REC114: variants seen among roughly 807,000 people sequenced by gnomAD.
REC114 encodes the protein REC114 meiotic recombination protein, also known as meiotic recombination protein REC114.
REC114 carries 27 observed loss-of-function variants against 31.3 expected under a neutral mutation model. The observed-to-expected ratio is 0.86, with a 90% CI of 0.64 to 1.19. The LOEUF is 1.19. Among genes scored for constraint, REC114 ranks in the 50% most tolerant of loss-of-function variants. The probability of loss-of-function intolerance (pLI) is 0.00; values close to 1 mark genes in which losing one functional copy is unlikely to be tolerated. For synonymous variants in REC114, 134 were observed against 127.7 expected (o/e 1.05, Z -0.33); for missense variants, 344 against 326.9 (o/e 1.05, Z -0.40).
chr15:73,513,833 C>T (rs1404073255), intron 2 of REC114, among the ~76,000 whole-genome samples: 26 of 151,388 alleles, frequency 1.7e-4, no homozygotes, highest in Admixed American at 1.6e-3. Flanking sequence ...CTGGGAGAAC[C>T]ACTGCTCTCT....
At chr15:73,450,083 A>G (rs1254346530) in intron 1 of REC114, among the ~76,000 whole-genome samples, 3 of 152,094 alleles carry the variant, frequency 2.0e-5, no homozygotes, top group African/African-American at 7.3e-5. Context: ...TGCATCAACT[A>G]ACTGGCAAAA....
At chr15:73,536,475 C>T (rs892069977) in intron 2 of REC114, among the ~76,000 whole-genome samples, 3 of 152,152 alleles carry the variant, frequency 2.0e-5, no homozygotes, top group Non-Finnish European at 4.4e-5. Context: ...GTGATGTTAA[C>T]CGCATGTTTA....
intron 1 of REC114, among the ~76,000 whole-genome samples, chr15:73,459,137 A>G (rs372228921): frequency 6.6e-6 from 1 of 152,200 alleles, no homozygotes; most frequent in East Asian, 1.9e-4. Context: ...CTGATCTCAC[A>G]TACCATTTAA....
At chr15:73,542,985 G>T (rs905456583) in intron 3 of REC114, among the ~76,000 whole-genome samples, 4 of 149,530 alleles carry the variant, frequency 2.7e-5, no homozygotes, top group African/African-American at 7.4e-5. Context: ...CCTCCCGATA[G>T]GTTGTCCCTG....
intron 2 of REC114, among the ~76,000 whole-genome samples, chr15:73,530,747 A>ATT (rs61336545): frequency 9.3e-4 from 139 of 149,704 alleles, no homozygotes; most frequent in Non-Finnish European, 6.8e-4. Flanking sequence ...CTTATCATGG[A>ATT]TTTTTTTTTT....
intron 5 of REC114, among the ~76,000 whole-genome samples, chr15:73,557,414 TAAA>T (rs767116205): frequency 3.5e-5 from 4 of 113,182 alleles, no homozygotes; most frequent in Non-Finnish European, 7.5e-5. Context: ...ATCAGTAGTT[TAAA>T]AAAAAAAAAA....
chr15:73,534,702 C>T (rs546838517), intron 2 of REC114, among the ~76,000 whole-genome samples: 181 of 152,048 alleles, frequency 1.2e-3, no homozygotes, highest in African/African-American at 4.3e-3. Context: ...CATTCTGATA[C>T]CAAAGCCAGG....
At chr15:73,531,994 T>A (rs2141325190) in intron 2 of REC114, among the ~76,000 whole-genome samples, 1 of 149,552 alleles carries the variant, frequency 6.7e-6, no homozygotes, top group Middle Eastern at 3.4e-3. Flanking sequence ...TTTTTTTTTT[T>A]TTTTAATACT....
chr15:73,481,828 T>C (rs1893298969), intron 2 of REC114, among the ~76,000 whole-genome samples: 1 of 151,722 alleles, frequency 6.6e-6, no homozygotes. Flanking sequence ...CAGGGGCTAA[T>C]GTTTGTATTT....
Position 73,512,888 on chromosome 15 carries a change from T to C in REC114, c.250-27597T>C, listed in dbSNP as rs1595874411. Among the ~76,000 whole-genome samples the C allele has an allele frequency of 6.0e-5, 9 of 150,842 alleles. No individual in the cohort carries two copies. In the South Asian group the frequency reaches 1.3e-3, roughly 21 times the overall value. On this transcript the variant is annotated intron_variant, in intron 2 of 5. Coordinates refer to ENST00000331090, the MANE Select transcript of REC114 (RefSeq NM_001042367.2). ...TGGCTGCCCTTAACATTTTTTCCTT[T>C]ATTTCAACTTTGGTGAATCTGACAA...
chr15:73,514,168 C>G (rs1447029979), intron 2 of REC114, among the ~76,000 whole-genome samples: 4 of 151,576 alleles, frequency 2.6e-5, no homozygotes, highest in South Asian at 2.1e-4. Flanking sequence ...TTAAGCCGGT[C>G]TGAAAAGCGC....
chr15:73,447,446 G>A (rs527354905), intron 1 of REC114, among the ~76,000 whole-genome samples: 16 of 152,194 alleles, frequency 1.1e-4, no homozygotes, highest in African/African-American at 3.4e-4. Flanking sequence ...GCTTATCCCT[G>A]TAATCCCAGC....
intron 1 of REC114, among the ~76,000 whole-genome samples, chr15:73,455,413 A>G (rs548966007): frequency 2.0e-5 from 3 of 152,222 alleles, no homozygotes; most frequent in South Asian, 2.1e-4. Context: ...TTCTGATTAT[A>G]GGAGAATCTG....
At chr15:73,499,898 A>C (rs1263960838) in intron 2 of REC114, among the ~76,000 whole-genome samples, 1 of 152,166 alleles carries the variant, frequency 6.6e-6, no homozygotes, top group Non-Finnish European at 1.5e-5. Context: ...ATGCTTTAAG[A>C]CACAATTTAA....
intron 2 of REC114, among the ~76,000 whole-genome samples, chr15:73,524,748 CCACCA>C (rs1893983278): frequency 6.6e-6 from 1 of 152,098 alleles, no homozygotes; most frequent in Non-Finnish European, 1.5e-5. Flanking sequence ...CAGGCACCCA[CCACCA>C]TGCTAGGCTA....
intron 2 of REC114, among the ~76,000 whole-genome samples, chr15:73,513,243 C>T (rs1023354039): frequency 1.3e-5 from 2 of 151,642 alleles, no homozygotes; most frequent in African/African-American, 2.4e-5. Flanking sequence ...GCATCGGCTC[C>T]TGAGGCTTCT....
chr15:73,540,542 T>C lies in REC114; in HGVS notation c.307T>C (p.Cys103Arg), dbSNP rs762075972. The change falls in exon 3 of 6, where the codon TGT (cysteine) becomes CGT (arginine). Residue 103 changes from cysteine (C) to arginine (R), a missense_variant. Cys to Arg is a radical substitution (Grantham distance 180). Coordinates refer to ENST00000331090, the MANE Select transcript of REC114 (RefSeq NM_001042367.2). ...DWLKIVRRVD[C>R]LLFGTTIKDK... ...GTTGAAGATTGTAAGACGCGTGGAT[T>C]GTCTGTTGTTTGGAACAACGATAAA... is the stretch of plus-strand genomic sequence containing the variant. The C allele has an allele frequency of 6.2e-7, 1 of 1,613,962 alleles. No homozygotes were observed. The highest frequency in any genetic ancestry group is 1.1e-5 in the South Asian group (1 of 91,088).
intron 2 of REC114, among the ~76,000 whole-genome samples, chr15:73,519,603 C>G (rs528932485): frequency 6.6e-6 from 1 of 152,320 alleles, no homozygotes; most frequent in Non-Finnish European, 1.5e-5. Context: ...GAACTACTAT[C>G]TGATTCAGCA....
At chr15:73,557,502 AAACTC>A (rs1289765526) in intron 5 of REC114, among the ~76,000 whole-genome samples, 1 of 152,188 alleles carries the variant, frequency 6.6e-6, no homozygotes, top group Admixed American at 6.5e-5. Context: ...ATAGAATAAA[AAACTC>A]AAGAGGTAGG....
Sources: allele counts gnomAD v4.1 joint callset (sites outside exome capture counted in the v4.1 genomes callset), GRCh38; gene constraint gnomAD v4.1.1; transcripts MANE v1.5; gene names NCBI Gene and HGNC (gene_info 2026-07-23, HGNC 2026-07-21).